The following SLC35F2 variants were observed in gnomAD, a reference collection of about 807,000 sequenced individuals.
The protein encoded by SLC35F2 is solute carrier family 35 member F2, also known as queuine/queuosine transporter SLC35F2.
A neutral mutation model predicts 38.1 loss-of-function variants in SLC35F2; 25 were observed. The observed-to-expected ratio is 0.66, with a 90% CI of 0.48 to 0.92. SLC35F2 has a LOEUF of 0.92. Ranked by LOEUF, SLC35F2 falls within the 40% of genes least tolerant of loss-of-function variation. The pLI is 0.00. For synonymous variants in SLC35F2, 173 were observed against 181.7 expected (o/e 0.95, Z 0.38); for missense variants, 409 against 452.9 (o/e 0.90, Z 0.88).
chr11:107,820,767 C>T (rs1384032345), intron 1 of SLC35F2, among the ~76,000 whole-genome samples: 1 of 152,098 alleles, frequency 6.6e-6, no homozygotes, highest in African/African-American at 2.4e-5. Flanking sequence ...ACCAACCTGG[C>T]TGACATAGTG....
At chr11:107,817,560 T>C (rs970517458) in intron 1 of SLC35F2, among the ~76,000 whole-genome samples, 2 of 152,158 alleles carry the variant, frequency 1.3e-5, no homozygotes, top group African/African-American at 4.8e-5. Context: ...CTAAAACCTT[T>C]CGGTGGCTGG....
At chr11:107,796,816 G>A (rs978094122) in intron 7 of SLC35F2, among the ~76,000 whole-genome samples, 22 of 152,212 alleles carry the variant, frequency 1.4e-4, no homozygotes, top group Middle Eastern at 3.4e-3. Context: ...CTACAGGTGT[G>A]CACCAACATA....
At chr11:107,807,293 CA>C (rs71047626) in intron 3 of SLC35F2, among the ~76,000 whole-genome samples, 20,985 of 66,858 alleles carry the variant, frequency 0.31, 2,752 homozygotes, top group East Asian at 0.55. Flanking sequence ...AAAACAACAA[CA>C]AAAAAAAACC....
intron 3 of SLC35F2, among the ~76,000 whole-genome samples, chr11:107,807,897 T>C (rs1459012352): frequency 1.3e-5 from 2 of 152,130 alleles, no homozygotes; most frequent in Non-Finnish European, 2.9e-5. Context: ...TTAAGTTCAG[T>C]AGACAAACAT....
chr11:107,820,727 G>A (rs1859655344), intron 1 of SLC35F2, among the ~76,000 whole-genome samples: 1 of 152,098 alleles, frequency 6.6e-6, no homozygotes, highest in Non-Finnish European at 1.5e-5. Context: ...AGGCTGAGGC[G>A]GGCGGATCAC....
At chr11:107,818,075 AGAAAGAAAG>A (rs1292012841) in intron 1 of SLC35F2, among the ~76,000 whole-genome samples, 1 of 68,286 alleles carries the variant, frequency 1.5e-5, no homozygotes, top group Non-Finnish European at 3.2e-5. Flanking sequence ...AAAAAAAAAA[AGAAAGAAAG>A]AAAGAAAGAA....
chr11:107,819,035 AGGATGACCTGATG>A (rs1859629088), intron 1 of SLC35F2, among the ~76,000 whole-genome samples: 2 of 152,320 alleles, frequency 1.3e-5, no homozygotes, highest in South Asian at 4.1e-4. Flanking sequence ...CTCAGTACTC[AGGATGACCTGATG>A]GGAGCCATCT....
chr11:107,807,726 AC>A (rs1859421213), intron 3 of SLC35F2, among the ~76,000 whole-genome samples: 1 of 151,976 alleles, frequency 6.6e-6, no homozygotes, highest in Non-Finnish European at 1.5e-5. Flanking sequence ...GCCATCTGCC[AC>A]CATGCCCAGC....
At chr11:107,823,139 G>A (rs553006837) in intron 1 of SLC35F2, 3 of 985,212 alleles carry the variant, frequency 3.0e-6, no homozygotes, top group African/African-American at 1.7e-5. Context: ...CAAGACCCCA[G>A]CCCAAACCAG....
chr11:107,825,709 A>C (rs909896294), intron 1 of SLC35F2, among the ~76,000 whole-genome samples: 3 of 152,136 alleles, frequency 2.0e-5, no homozygotes, highest in Non-Finnish European at 4.4e-5. Flanking sequence ...GGAGATACTT[A>C]TGCTGCTGGT....
rs992034915 is a variant in SLC35F2, at chr11:107,858,492, G to T, written c.110+166C>A. ...AGTGCTTCCCGACGCCAGGTGAAGC[G>T]CACCATACCTGGTGTGCGTGTTGAG... is the stretch of plus-strand genomic sequence containing the variant. On this transcript the variant is annotated intron_variant, in intron 1 of 7. Transcript: ENST00000525815. 5.2e-5 allele frequency: 27 copies of T among 517,828 alleles called. No homozygotes were observed. In the East Asian group the frequency reaches 8.1e-4, roughly 16 times the overall value. 32.1% of individuals were successfully genotyped at this position (517,828 alleles called of 1,614,324 possible).
chr11:107,830,602 A>T (rs11212400), intron 1 of SLC35F2, among the ~76,000 whole-genome samples: 7,877 of 147,892 alleles, frequency 0.053, 460 homozygotes, highest in African/African-American at 0.14. Context: ...AAAAAAAAGA[A>T]AAGAAAAAAA....
intron 1 of SLC35F2, among the ~76,000 whole-genome samples, chr11:107,856,619 C>T (rs113032178): frequency 0.059 from 8,963 of 152,202 alleles, 307 homozygotes; most frequent in East Asian, 0.13. Flanking sequence ...ATCGCTTGAA[C>T]CCGAAAGGTT....
Position 107,792,492 on chromosome 11 carries a change from C to A in SLC35F2, c.*123G>T. On this transcript the variant is annotated 3_prime_UTR_variant, in exon 8 of 8. Coordinates refer to ENST00000525815, the MANE Select transcript of SLC35F2 (RefSeq NM_017515.5). Reference sequence around the variant, plus strand: ...TCAGTGTTCCTTTCTAAAACCTAACCACTGGATCCAACCCAGGGTTGTAGA... The same window carrying A: ...TCAGTGTTCCTTTCTAAAACCTAACAACTGGATCCAACCCAGGGTTGTAGA... The A allele has an allele frequency of 8.7e-7, 1 of 1,152,042 alleles. No individual in the cohort carries two copies. The highest frequency in any genetic ancestry group is 1.2e-6 in the Non-Finnish European group (1 of 846,804). 71.4% of individuals were successfully genotyped at this position (1,152,042 alleles called of 1,614,324 possible). A position where few individuals can be genotyped will look rare whatever the true frequency, so the allele number is the denominator to read the frequency against.
intron 1 of SLC35F2, among the ~76,000 whole-genome samples, chr11:107,848,194 A>G (rs1860126842): frequency 1.3e-5 from 2 of 152,230 alleles, no homozygotes; most frequent in South Asian, 4.1e-4. Flanking sequence ...CTAAAATGGT[A>G]CATTTTATGT....
chr11:107,810,711 A>C (rs1859467546), intron 3 of SLC35F2: 15 of 982,654 alleles, frequency 1.5e-5, no homozygotes, highest in Non-Finnish European at 1.8e-5. Context: ...TGCTTAGCAC[A>C]ATGTTACAGA....
chr11:107,813,290 C>A (rs1859511529), intron 2 of SLC35F2, among the ~76,000 whole-genome samples: 1 of 151,896 alleles, frequency 6.6e-6, no homozygotes, highest in South Asian at 2.1e-4. Context: ...ATTAAAAATA[C>A]AAAAATTAGC....
intron 7 of SLC35F2, among the ~76,000 whole-genome samples, chr11:107,801,319 G>A (rs12576861): frequency 0.15 from 22,887 of 152,124 alleles, 2,776 homozygotes; most frequent in East Asian, 0.43. Context: ...GATATCACAA[G>A]GCAGAAGGAA....
At position 107,858,773 on chromosome 11, in the gene SLC35F2, C is replaced by T; in HGVS notation, c.-6G>A. On this transcript the variant is annotated 5_prime_UTR_variant, in exon 1 of 8. Transcript: ENST00000525815. ...GCTGGCGAGTCTGCCTCCATCGGCGCCCTTGCGCGTCTCCGGCGCCCAAAA... is the reference window on the plus strand; with the variant it reads ...GCTGGCGAGTCTGCCTCCATCGGCGTCCTTGCGCGTCTCCGGCGCCCAAAA... 3 of 1,257,808 alleles carry T rather than the reference C, an allele frequency of 2.4e-6. No individual in the cohort carries two copies. The highest frequency in any genetic ancestry group is 3.0e-6 in the Non-Finnish European group (3 of 993,282). The allele number at this position is 1,257,808 out of a possible 1,614,324, so 77.9% of individuals were successfully genotyped here.
Sources: gnomAD v4.1 joint callset for allele counts (sites outside exome capture counted in the v4.1 genomes callset) on GRCh38, gnomAD v4.1.1 for gene constraint, MANE v1.5 for transcripts, NCBI Gene and HGNC (gene_info 2026-07-23, HGNC 2026-07-21) for gene names.